Variants in NARS2 observed in about 807,000 individuals in gnomAD.
NARS2 encodes asparaginyl-tRNA synthetase.
A neutral mutation model predicts 62.9 loss-of-function variants in NARS2; 60 were observed. The observed-to-expected ratio is 0.95, with a 90% CI of 0.77 to 1.18. NARS2 has a LOEUF of 1.18. NARS2 is among the 50% of genes most tolerant of loss of function. The pLI is 0.00. For missense variants in NARS2, 619 were observed against 576.4 expected, an observed-to-expected ratio of 1.07 and a Z score of -0.76; for synonymous variants, 196 against 200.0, an observed-to-expected ratio of 0.98 and a Z score of 0.17.
chr11:78,476,294 C>G (rs1591174802), intron 9 of NARS2, among the ~76,000 whole-genome samples: 1 of 152,186 alleles, frequency 6.6e-6, no homozygotes, highest in African/African-American at 2.4e-5. Flanking sequence ...CCTACTTGAC[C>G]CCTGGTAGTC....
chr11:78,479,619 G>A (rs986418019), intron 7 of NARS2, among the ~76,000 whole-genome samples: 4 of 152,214 alleles, frequency 2.6e-5, no homozygotes, highest in African/African-American at 4.8e-5. Flanking sequence ...TTTCTAAAAT[G>A]TTTTTATTCA....
intron 6 of NARS2, among the ~76,000 whole-genome samples, chr11:78,527,087 T>C (rs115694557): frequency 0.011 from 1,669 of 152,216 alleles, 27 homozygotes; most frequent in African/African-American, 0.038. Context: ...CCCAGCAGAG[T>C]TGCAAATAAC....
At chr11:78,509,538 T>A (rs967806796) in intron 6 of NARS2, among the ~76,000 whole-genome samples, 23 of 151,318 alleles carry the variant, frequency 1.5e-4, no homozygotes, top group African/African-American at 4.9e-4. Flanking sequence ...TAATACACTT[T>A]AAAAAAAAAC....
chr11:78,560,762 A>G (rs1856530477), intron 4 of NARS2, among the ~76,000 whole-genome samples: 1 of 152,236 alleles, frequency 6.6e-6, no homozygotes, highest in Non-Finnish European at 1.5e-5. Context: ...ATTAAAATGT[A>G]CACTTAATCT....
rs767527813 is a variant in NARS2, at chr11:78,436,810, G to C, written c.1294C>G (p.Leu432Val). ...SGLTEVYQWY[L>V]DLRRFGSVPH... ...ACAGATCCAAATCGACGAAGGTCCAGATACCTGTTTTTCAAAAATAGAAAA... is the reference window on the plus strand; with the variant it reads ...ACAGATCCAAATCGACGAAGGTCCACATACCTGTTTTTCAAAAATAGAAAA... Residue 432 changes from leucine to valine, a missense_variant, in exon 14 of 14, where the codon CTG becomes GTG. Transcript: ENST00000281038. 5.6e-6 allele frequency: 9 copies of C among 1,613,342 alleles called. No homozygotes were observed. The highest frequency in any genetic ancestry group is 1.3e-5 in the African/African-American group (1 of 74,862).
intron 9 of NARS2, among the ~76,000 whole-genome samples, chr11:78,472,808 T>C (rs888673312): frequency 3.9e-5 from 6 of 152,222 alleles, no homozygotes; most frequent in African/African-American, 1.4e-4. Context: ...TTTTCAGAAG[T>C]TTCAGTGCCA....
intron 5 of NARS2, among the ~76,000 whole-genome samples, chr11:78,547,887 G>GT (rs1425830873): frequency 6.6e-6 from 1 of 151,414 alleles, no homozygotes; most frequent in African/African-American, 2.4e-5. Flanking sequence ...ACCAAAACTG[G>GT]TAAGTAAGAA....
intron 5 of NARS2, among the ~76,000 whole-genome samples, chr11:78,545,974 T>A (rs1051184867): frequency 6.6e-6 from 1 of 152,224 alleles, no homozygotes; most frequent in Non-Finnish European, 1.5e-5. Flanking sequence ...TGATTACCTA[T>A]TGGTGAGCAA....
chr11:78,523,915 C>T (rs1861213369), intron 6 of NARS2, among the ~76,000 whole-genome samples: 1 of 152,066 alleles, frequency 6.6e-6, no homozygotes, highest in South Asian at 2.1e-4. Context: ...AAAATTATGT[C>T]AGTGATACTT....
chr11:78,468,328 AG>A (rs1452613533), intron 10 of NARS2, among the ~76,000 whole-genome samples: 25 of 139,418 alleles, frequency 1.8e-4, no homozygotes, highest in East Asian at 6.8e-4. Flanking sequence ...AAAAAAAAAA[AG>A]AAAAAAAAGA....
At chr11:78,480,373 G>C (rs1450694735) in intron 7 of NARS2, among the ~76,000 whole-genome samples, 1 of 152,062 alleles carries the variant, frequency 6.6e-6, no homozygotes, top group African/African-American at 2.4e-5. Context: ...TCCTGCCTCA[G>C]CCTCCTTAGC....
intron 9 of NARS2, 105 bp from the exon 10 acceptor site, chr11:78,469,418 T>G (rs1485969481): frequency 6.6e-6 from 5 of 757,780 alleles, no homozygotes; most frequent in Non-Finnish European, 1.2e-5. Flanking sequence ...CACTGTGAGG[T>G]CATGAATAAT....
rs188924787 is a variant in NARS2 at position 78,479,413 on chromosome 11, T to G, written c.823-730A>C. Among the ~76,000 whole-genome samples, 770 of 151,952 alleles carry G rather than the reference T, an allele frequency of 5.1e-3. 4 individuals are homozygous for G. The highest frequency in any genetic ancestry group is 0.018 in the African/African-American group (746 of 41,450). ...AGTCCCAGATCCTCAGGAGGCTGAGTTGGGAGGATCACTTGAGCCTGCGAG... is the reference window on the plus strand; with the variant it reads ...AGTCCCAGATCCTCAGGAGGCTGAGGTGGGAGGATCACTTGAGCCTGCGAG... On this transcript the variant is annotated intron_variant, in intron 7 of 13. Coordinates refer to ENST00000281038, the MANE Select transcript of NARS2 (RefSeq NM_024678.6).
At chr11:78,510,103 T>G (rs971378011) in intron 6 of NARS2, among the ~76,000 whole-genome samples, 1 of 151,802 alleles carries the variant, frequency 6.6e-6, no homozygotes, top group Non-Finnish European at 1.5e-5. Context: ...AGAAAACAAA[T>G]AGCAAAATGA....
intron 6 of NARS2, among the ~76,000 whole-genome samples, chr11:78,507,467 T>C (rs1408700275): frequency 6.6e-6 from 1 of 151,888 alleles, no homozygotes; most frequent in Non-Finnish European, 1.5e-5. Context: ...GAGAATTTGA[T>C]TTCCACAGTT....
intron 5 of NARS2, among the ~76,000 whole-genome samples, chr11:78,556,480 A>G (rs1856358783): frequency 1.3e-5 from 2 of 152,238 alleles, no homozygotes; most frequent in Non-Finnish European, 2.9e-5. Flanking sequence ...GAGGAGTAAC[A>G]GCCACATCAC....
chr11:78,441,143 T>C (rs774734746), intron 12 of NARS2, 26 bp from the exon 13 acceptor site: 1 of 1,603,600 alleles, frequency 6.2e-7, no homozygotes, highest in Non-Finnish European at 8.5e-7. Context: ...TAAAATTCTT[T>C]CAGGGAACGG....
At chr11:78,560,484 G>A (rs116594637) in intron 4 of NARS2, among the ~76,000 whole-genome samples, 148 of 152,296 alleles carry the variant, frequency 9.7e-4, no homozygotes, top group African/African-American at 3.2e-3. Flanking sequence ...TGCAGGTAAC[G>A]AAAAGTGAAT....
intron 9 of NARS2, among the ~76,000 whole-genome samples, chr11:78,473,437 T>C (rs1016719980): frequency 6.6e-6 from 1 of 152,208 alleles, no homozygotes; most frequent in Non-Finnish European, 1.5e-5. Flanking sequence ...CCCTGTGTAT[T>C]TGGAGTGTGA....
Sources: gnomAD v4.1 joint callset for allele counts (sites outside exome capture counted in the v4.1 genomes callset) on GRCh38, gnomAD v4.1.1 for gene constraint, MANE v1.5 for transcripts, NCBI Gene and HGNC (gene_info 2026-07-23, HGNC 2026-07-21) for gene names.